The following PDZRN4 variants were observed in gnomAD, a reference collection of about 807,000 sequenced individuals.
The protein encoded by PDZRN4 is PDZ domain-containing RING finger protein 4.
In PDZRN4, 70 loss-of-function variants were observed where a neutral mutation model predicts 99.0. That is an observed-to-expected ratio of 0.71 (90% CI 0.58 to 0.86). The LOEUF is 0.86. Ranked by LOEUF, PDZRN4 falls within the 40% of genes least tolerant of loss-of-function variation. The pLI, the probability that PDZRN4 is intolerant of heterozygous loss-of-function variation, is 0.00. For synonymous variants in PDZRN4, 551 were observed against 501.6 expected (o/e 1.10, Z -1.32); for missense variants, 1,474 against 1,331.2 (o/e 1.11, Z -1.67).
intron 3 of PDZRN4, among the ~76,000 whole-genome samples, chr12:41,270,280 G>C (rs1951305570): frequency 2.0e-5 from 2 of 102,168 alleles, no homozygotes; most frequent in Non-Finnish European, 2.3e-5. Flanking sequence ...GTGTGTCTGT[G>C]TGTGTGGTGT....
intron 3 of PDZRN4, among the ~76,000 whole-genome samples, chr12:41,269,184 A>G (rs1030657689): frequency 5.3e-5 from 8 of 152,232 alleles, no homozygotes; most frequent in Non-Finnish European, 1.2e-4. Context: ...GCTAGTGTCC[A>G]TGAAAATGGA....
At chr12:41,268,618 G>C (rs1951295083) in intron 3 of PDZRN4, among the ~76,000 whole-genome samples, 1 of 152,106 alleles carries the variant, frequency 6.6e-6, no homozygotes, top group Non-Finnish European at 1.5e-5. Context: ...AAACTTTATT[G>C]TAAATATAAT....
At chr12:41,538,153 T>G (rs1439918772) in intron 5 of PDZRN4, among the ~76,000 whole-genome samples, 1 of 152,250 alleles carries the variant, frequency 6.6e-6, no homozygotes, top group African/African-American at 2.4e-5. Flanking sequence ...TAATCTTAAG[T>G]AACTATATGG....
At chr12:41,288,628 A>C (rs1244085632) in intron 3 of PDZRN4, among the ~76,000 whole-genome samples, 2 of 152,140 alleles carry the variant, frequency 1.3e-5, no homozygotes, top group Non-Finnish European at 2.9e-5. Flanking sequence ...TTATCTTTGC[A>C]TGGATGAGAA....
intron 5 of PDZRN4, among the ~76,000 whole-genome samples, chr12:41,546,684 T>G (rs1034010655): frequency 6.6e-6 from 1 of 152,170 alleles, no homozygotes; most frequent in Non-Finnish European, 1.5e-5. Flanking sequence ...AACTGTGAAT[T>G]TCAAGCTGCA....
chr12:41,240,296 G>T (rs897360796), intron 3 of PDZRN4, among the ~76,000 whole-genome samples: 1 of 151,928 alleles, frequency 6.6e-6, no homozygotes, highest in African/African-American at 2.4e-5. Context: ...CTTCATCAAC[G>T]ACATAATGAG....
intron 3 of PDZRN4, among the ~76,000 whole-genome samples, chr12:41,297,930 A>T (rs1468712962): frequency 6.6e-6 from 1 of 152,198 alleles, no homozygotes; most frequent in Non-Finnish European, 1.5e-5. Context: ...AACAATTTCT[A>T]AGCAACCTAG....
At chr12:41,264,758 T>G (rs1951265198) in intron 3 of PDZRN4, among the ~76,000 whole-genome samples, 1 of 152,204 alleles carries the variant, frequency 6.6e-6, no homozygotes, top group African/African-American at 2.4e-5. Flanking sequence ...CTTCTACAAT[T>G]GTATTGTAGA....
chr12:41,550,549 G>A (rs1939035003), intron 5 of PDZRN4, among the ~76,000 whole-genome samples: 1 of 152,094 alleles, frequency 6.6e-6, no homozygotes, highest in Non-Finnish European at 1.5e-5. Context: ...TGCTTCTGGT[G>A]CTAAATCATT....
chr12:41,235,337 A>C (rs1368830004), intron 3 of PDZRN4, among the ~76,000 whole-genome samples: 1 of 152,206 alleles, frequency 6.6e-6, no homozygotes, highest in Non-Finnish European at 1.5e-5. Flanking sequence ...AAAAGGCCAA[A>C]AAATGAAACA....
At chr12:41,462,541 T>C (rs556577029) in intron 3 of PDZRN4, among the ~76,000 whole-genome samples, 10 of 152,330 alleles carry the variant, frequency 6.6e-5, no homozygotes, top group Admixed American at 5.9e-4. Flanking sequence ...GAAGAGTTCC[T>C]AGACTATGTT....
At chr12:41,434,533 CT>C (rs911807700) in intron 3 of PDZRN4, among the ~76,000 whole-genome samples, 1 of 152,162 alleles carries the variant, frequency 6.6e-6, no homozygotes, top group African/African-American at 2.4e-5. Flanking sequence ...CTCATCTACT[CT>C]TTTGCTACTC....
chr12:41,352,190 C>A lies in PDZRN4; in HGVS notation c.844-154266C>A, dbSNP rs147631863. Among the ~76,000 whole-genome samples the A allele has an allele frequency of 7.3e-4, 111 of 152,014 alleles. 2 individuals are homozygous for A. The East Asian group carries it at 0.018, about 25-fold the overall frequency. On this transcript the variant is annotated intron_variant, in intron 3 of 9. Coordinates refer to ENST00000402685, the MANE Select transcript of PDZRN4 (RefSeq NM_001164595.2). ...AGTTACCTGGTGAACTCAGTATTAACAGATTAAATGGAGTGATGGTGCCAG... is the reference window on the plus strand; with the variant it reads ...AGTTACCTGGTGAACTCAGTATTAAAAGATTAAATGGAGTGATGGTGCCAG...
intron 3 of PDZRN4, among the ~76,000 whole-genome samples, chr12:41,390,383 C>A (rs761577259): frequency 6.6e-6 from 1 of 151,856 alleles, no homozygotes; most frequent in Admixed American, 6.6e-5. Context: ...GTTGATTGGG[C>A]TGCTCATTTG....
intron 3 of PDZRN4, among the ~76,000 whole-genome samples, chr12:41,218,043 G>A (rs970197596): frequency 6.6e-6 from 1 of 152,084 alleles, no homozygotes; most frequent in Non-Finnish European, 1.5e-5. Context: ...TTTTGAGGGA[G>A]GCCAGTTTTC....
At chr12:41,435,612 C>A (rs1400298654) in intron 3 of PDZRN4, among the ~76,000 whole-genome samples, 1 of 152,066 alleles carries the variant, frequency 6.6e-6, no homozygotes, top group South Asian at 2.1e-4. Context: ...CATGGTGAAA[C>A]CCCGTCTCTA....
At chr12:41,394,906 C>T (rs1036236399) in intron 3 of PDZRN4, among the ~76,000 whole-genome samples, 5 of 152,076 alleles carry the variant, frequency 3.3e-5, no homozygotes, top group Admixed American at 1.3e-4. Context: ...GGCACACCAT[C>T]GCTTCTGCTA....
chr12:41,307,552 A>G (rs1057365636), intron 3 of PDZRN4, among the ~76,000 whole-genome samples: 15 of 152,128 alleles, frequency 9.9e-5, no homozygotes, highest in Non-Finnish European at 1.5e-4. Context: ...TGAGAGGGCC[A>G]TAAGTAAAGC....
At chr12:41,417,309 C>T (rs888151501) in intron 3 of PDZRN4, among the ~76,000 whole-genome samples, 3 of 152,202 alleles carry the variant, frequency 2.0e-5, no homozygotes, top group African/African-American at 7.2e-5. Flanking sequence ...GCAATGCCAT[C>T]TTTGGCCAGA....
Sources: gnomAD v4.1 joint callset for allele counts (sites outside exome capture counted in the v4.1 genomes callset) on GRCh38, gnomAD v4.1.1 for gene constraint, MANE v1.5 for transcripts, NCBI Gene and HGNC (gene_info 2026-07-23, HGNC 2026-07-21) for gene names.